ZEB1: variants seen among roughly 807,000 people sequenced by gnomAD.
ZEB1 encodes zinc finger E-box-binding homeobox 1.
In ZEB1, 21 loss-of-function variants were observed where a neutral mutation model predicts 84.9. The ratio of observed to expected loss-of-function variants is 0.25; its 90% confidence interval spans 0.18 to 0.36. The LOEUF (loss-of-function observed/expected upper bound fraction) is 0.36, where lower values mean the gene tolerates loss of function less well. ZEB1 is among the 10% of genes least tolerant of loss of function. The pLI is 1.00. For missense variants in ZEB1, 1,104 were observed against 1,330.2 expected (o/e 0.83, Z 2.65); for synonymous variants, 420 against 471.1 (o/e 0.89, Z 1.41).
At chr10:31,448,397 CCTT>C (rs1195113728) in intron 1 of ZEB1, among the ~76,000 whole-genome samples, 2 of 140,258 alleles carry the variant, frequency 1.4e-5, no homozygotes, top group Non-Finnish European at 3.1e-5. Context: ...TCGTCTGAAG[CCTT>C]CTTCTCTCAG....
intron 1 of ZEB1, among the ~76,000 whole-genome samples, chr10:31,425,685 C>T (rs1169924132): frequency 6.6e-6 from 1 of 152,120 alleles, no homozygotes. Context: ...ATGTAAATTA[C>T]ACCCATTTTA....
chr10:31,451,647 T>G (rs920957361), intron 1 of ZEB1, among the ~76,000 whole-genome samples: 4 of 152,232 alleles, frequency 2.6e-5, no homozygotes, highest in Admixed American at 6.5e-5. Flanking sequence ...TCATCTTTTT[T>G]GGGACTGAAT....
chr10:31,405,460 CT>C lies in ZEB1; in HGVS notation c.59-55574del, dbSNP rs563364200. Among the ~76,000 whole-genome samples, 38 of 152,218 alleles carry C rather than the reference CT, an allele frequency of 2.5e-4. No homozygotes were observed. In the South Asian group the frequency reaches 5.6e-3, roughly 22 times the overall value. ...GTTTCTTTACCCATAAAGCCTGATGCTTTATATTCAGTACAGTACTTTATTA... is the reference window on the plus strand; with the variant it reads ...GTTTCTTTACCCATAAAGCCTGATGCTTATATTCAGTACAGTACTTTATTA... On this transcript the variant is annotated intron_variant, in intron 1 of 8. Transcript: ENST00000424869.
In ZEB1 at chr10:31,399,375, C is replaced by G. The variant is rs545235344; in HGVS notation, c.59-61662C>G. Among the ~76,000 whole-genome samples, 9 of 152,214 alleles carry G rather than the reference C, an allele frequency of 5.9e-5. No individual in the cohort carries two copies. The South Asian group carries it at 1.9e-3, about 32-fold the overall frequency. On this transcript the variant is annotated intron_variant, in intron 1 of 8. Transcript: ENST00000424869. ...CCAAAACCTCCTCCGGCAGTTTTTC[C>G]CATCTGAGTAACAGCACCTGCTGTC...
At chr10:31,401,331 A>C (rs2051955275) in intron 1 of ZEB1, among the ~76,000 whole-genome samples, 1 of 152,234 alleles carries the variant, frequency 6.6e-6, no homozygotes, top group Non-Finnish European at 1.5e-5. Flanking sequence ...ACCTTGAACA[A>C]ACCCTGATGT....
intron 1 of ZEB1, among the ~76,000 whole-genome samples, chr10:31,323,995 G>A (rs998486568): frequency 7.2e-6 from 1 of 139,590 alleles, no homozygotes; most frequent in Admixed American, 7.1e-5. Flanking sequence ...GTGTGTGTGT[G>A]TAAATAGTTT....
intron 1 of ZEB1, among the ~76,000 whole-genome samples, chr10:31,361,857 C>A (rs1198776412): frequency 1.3e-5 from 2 of 148,360 alleles, no homozygotes; most frequent in South Asian, 2.2e-4. Flanking sequence ...CGGGCAGAGG[C>A]ACTCCTCGCT....
At chr10:31,438,874 A>G (rs1004700092) in intron 1 of ZEB1, among the ~76,000 whole-genome samples, 2 of 152,342 alleles carry the variant, frequency 1.3e-5, no homozygotes, top group East Asian at 1.9e-4. Flanking sequence ...AGAAATATAC[A>G]CATATACATA....
At chr10:31,375,192 G>GT (rs1333566750) in intron 1 of ZEB1, among the ~76,000 whole-genome samples, 3 of 151,318 alleles carry the variant, frequency 2.0e-5, no homozygotes, top group Non-Finnish European at 4.4e-5. Flanking sequence ...TCTAAATTTA[G>GT]TTTTTTTCTG....
intron 2 of ZEB1, among the ~76,000 whole-genome samples, chr10:31,488,332 T>G (rs1378028385): frequency 6.6e-6 from 1 of 151,216 alleles, no homozygotes; most frequent in Non-Finnish European, 1.5e-5. Flanking sequence ...TTCACTTCTT[T>G]AGGTTTATGT....
intron 1 of ZEB1, among the ~76,000 whole-genome samples, chr10:31,397,383 G>T (rs1447119674): frequency 1.3e-5 from 2 of 151,802 alleles, no homozygotes; most frequent in African/African-American, 4.8e-5. Flanking sequence ...CAGAGATAGT[G>T]GCTATTTTAT....
Position 31,384,772 on chromosome 10 carries a change from T to G in ZEB1, c.58+65480T>G, listed in dbSNP as rs148866459. ...AGGGATCCATTATCCACAGCATGAG[T>G]AAGTTTCTAGTCAGTTCCTCTGTCT... On this transcript the variant is annotated intron_variant, in intron 1 of 8. Transcript: ENST00000424869. Among the ~76,000 whole-genome samples the G allele has an allele frequency of 3.2e-3, 494 of 152,210 alleles. 3 individuals carry two copies. The highest frequency in any genetic ancestry group is 0.011 in the African/African-American group (457 of 41,530).
chr10:31,335,992 C>T (rs922754373), intron 1 of ZEB1, among the ~76,000 whole-genome samples: 7 of 152,092 alleles, frequency 4.6e-5, no homozygotes, highest in African/African-American at 1.2e-4. Flanking sequence ...AAGTATAAAA[C>T]ACTGTGAGTA....
intron 1 of ZEB1, among the ~76,000 whole-genome samples, chr10:31,425,709 A>G (rs2056837102): frequency 6.6e-6 from 1 of 152,112 alleles, no homozygotes. Context: ...TTTTTGAACT[A>G]TCTGGCTTGA....
At chr10:31,343,216 A>G (rs2133646235) in intron 1 of ZEB1, among the ~76,000 whole-genome samples, 1 of 152,188 alleles carries the variant, frequency 6.6e-6, no homozygotes, top group Non-Finnish European at 1.5e-5. Flanking sequence ...AAGTTTATTC[A>G]TTTTAGCACT....
chr10:31,364,586 A>G (rs1230986524), intron 1 of ZEB1, among the ~76,000 whole-genome samples: 1 of 152,222 alleles, frequency 6.6e-6, no homozygotes, highest in East Asian at 1.9e-4. Flanking sequence ...CTCAAGGGCC[A>G]CCAGCCTTGC....
chr10:31,449,373 C>G (rs952832617), intron 1 of ZEB1, among the ~76,000 whole-genome samples: 2 of 152,238 alleles, frequency 1.3e-5, no homozygotes, highest in Non-Finnish European at 2.9e-5. Context: ...CACCCGTCTT[C>G]TGCGTCGCTC....
chr10:31,451,899 C>T (rs117057859), intron 1 of ZEB1, among the ~76,000 whole-genome samples: 3,240 of 152,250 alleles, frequency 0.021, 35 homozygotes, highest in Non-Finnish European at 0.034. Context: ...TCCTTAGTAA[C>T]TTTCATGTAA....
chr10:31,357,896 C>G (rs1303268871), intron 1 of ZEB1, among the ~76,000 whole-genome samples: 1 of 151,948 alleles, frequency 6.6e-6, no homozygotes, highest in East Asian at 1.9e-4. Context: ...CTGTAGTTGC[C>G]AAATGGCTGC....
Sources: allele counts gnomAD v4.1 joint callset (sites outside exome capture counted in the v4.1 genomes callset), GRCh38; gene constraint gnomAD v4.1.1; transcripts MANE v1.5; gene names NCBI Gene and HGNC (gene_info 2026-07-23, HGNC 2026-07-21).